Variants in XPNPEP1 observed in about 807,000 individuals in gnomAD.
The protein encoded by XPNPEP1 is xaa-Pro aminopeptidase 1.
XPNPEP1 carries 39 observed loss-of-function variants against 92.4 expected under a neutral mutation model. The ratio of observed to expected loss-of-function variants is 0.42; its 90% confidence interval spans 0.33 to 0.55. The LOEUF (loss-of-function observed/expected upper bound fraction) is 0.55. Ranked by LOEUF, XPNPEP1 falls within the 20% of genes least tolerant of loss-of-function variation. The pLI, the probability that XPNPEP1 is intolerant of heterozygous loss-of-function variation, is 0.08. For synonymous variants in XPNPEP1, 307 were observed against 299.4 expected (o/e 1.03, Z -0.26); for missense variants, 654 against 856.1 (o/e 0.76, Z 2.95).
At position 109,922,270 on chromosome 10, in the gene XPNPEP1, G is replaced by C. The variant is rs1204249982; in HGVS notation, c.32+1132C>G. On this transcript the variant is annotated intron_variant, in intron 1 of 20. Transcript: ENST00000502935. ...AGACTCTACCAGCTGGTGTAGAAAAGACTCTTCTGCTCCTAAAAGGCTGTG... is the reference window on the plus strand; with the variant it reads ...AGACTCTACCAGCTGGTGTAGAAAACACTCTTCTGCTCCTAAAAGGCTGTG... 2.0e-5 allele frequency among the ~76,000 whole-genome samples: 3 copies of C among 152,192 alleles called. No individual in the cohort carries two copies. The East Asian group carries it at 5.8e-4, about 29-fold the overall frequency.
At chr10:109,902,887 G>A (rs1849360016) in intron 3 of XPNPEP1, among the ~76,000 whole-genome samples, 1 of 152,214 alleles carries the variant, frequency 6.6e-6, no homozygotes, top group Non-Finnish European at 1.5e-5. Context: ...AAAGAGCTGA[G>A]GGAAAGCCTG....
At chr10:109,923,163 A>G (rs1000773525) in intron 1 of XPNPEP1, 20 of 985,170 alleles carry the variant, frequency 2.0e-5, no homozygotes, top group Non-Finnish European at 2.4e-5. Flanking sequence ...GCGTCCAGGA[A>G]CCAGACTCGG....
At chr10:109,878,256 C>G (rs1430096235) in intron 12 of XPNPEP1, 198 bp from the exon 13 acceptor site, 1 of 575,720 alleles carries the variant, frequency 1.7e-6, no homozygotes, top group Non-Finnish European at 3.0e-6. Flanking sequence ...AGTTTCTATT[C>G]ATTTAATTTT....
At chr10:109,898,622 G>A (rs1849111092) in intron 3 of XPNPEP1, among the ~76,000 whole-genome samples, 3 of 152,210 alleles carry the variant, frequency 2.0e-5, no homozygotes, top group South Asian at 2.1e-4. Context: ...GTCATGAGGC[G>A]ACACCCAATT....
intron 14 of XPNPEP1, chr10:109,875,972 C>T: frequency 5.3e-6 from 1 of 187,270 alleles, no homozygotes; most frequent in Non-Finnish European, 1.1e-5. Context: ...GGGACAGGAG[C>T]AGCCTGGAGT....
In XPNPEP1 at chr10:109,865,306, A is replaced by T; in HGVS notation, c.1879T>A (p.Trp627Arg). 1 of 1,614,210 alleles carries T rather than the reference A, an allele frequency of 6.2e-7. No homozygotes were observed. The change falls in exon 21 of 21, where the codon TGG becomes AGG. Residue 627 changes from tryptophan to arginine, a missense_variant. Coordinates refer to ENST00000502935, the MANE Select transcript of XPNPEP1 (RefSeq NM_020383.4). Reference protein sequence around the residue: ...VDSLTDKECDWLNNYHLTCRD... With the variant: ...VDSLTDKECDRLNNYHLTCRD... ...CAGGTCAGGTGGTAATTGTTGAGCCAGTCGCACTGCAGGGAAGAGAAGGAC... is the reference window on the plus strand; with the variant it reads ...CAGGTCAGGTGGTAATTGTTGAGCCTGTCGCACTGCAGGGAAGAGAAGGAC...
rs1305124577 is a variant in XPNPEP1 at position 109,902,499 on chromosome 10, T to C, written c.246+5192A>G. Among the ~76,000 whole-genome samples the C allele has an allele frequency of 2.0e-5, 3 of 152,224 alleles. No individual in the cohort carries two copies. The South Asian group carries it at 6.2e-4, about 31-fold the overall frequency. ...CTCATACGCTTACCTATATGCTAAC[T>C]ACCTGCCCTCTGCATTTGCCCCAGA... On this transcript the variant is annotated intron_variant, in intron 3 of 20. Coordinates refer to ENST00000502935, the MANE Select transcript of XPNPEP1 (RefSeq NM_020383.4).
At position 109,878,062 on chromosome 10, in the gene XPNPEP1, T is replaced by C. The variant is rs571595876; in HGVS notation, c.1183-4A>G. ...CTGTCACACCACCTTTGGGAACCTA[T>C]GAGAAAATTGCTTATAAATCATCTG... On this transcript the variant is annotated splice_region_variant and splice_polypyrimidine_tract_variant and intron_variant, in intron 12 of 20. Transcript: ENST00000502935. The C allele has an allele frequency of 9.3e-6, 15 of 1,613,858 alleles. No individual in the cohort carries two copies. The Admixed American group carries it at 1.7e-4, about 18-fold the overall frequency.
intron 5 of XPNPEP1, 60 bp from the exon 6 acceptor site, chr10:109,888,655 C>A: frequency 7.5e-7 from 1 of 1,335,232 alleles, no homozygotes; most frequent in Non-Finnish European, 1.0e-6. Flanking sequence ...ATTATCCCAC[C>A]AGAAAGATAC....
chr10:109,877,967 G>A (rs372235736), intron 13 of XPNPEP1, 33 bp downstream of exon 13: 140 of 1,614,062 alleles, frequency 8.7e-5, no homozygotes, highest in Admixed American at 1.2e-4. Flanking sequence ...AAATCAGCAC[G>A]AGGCTCCTGG....
intron 1 of XPNPEP1, among the ~76,000 whole-genome samples, chr10:109,915,793 A>C (rs576268691): frequency 2.0e-4 from 30 of 152,350 alleles, no homozygotes; most frequent in Non-Finnish European, 4.1e-4. Flanking sequence ...GACACCAGGC[A>C]TGAAGGTCTA....
intron 1 of XPNPEP1, 49 bp from the exon 2 acceptor site, chr10:109,915,148 G>T: frequency 7.9e-7 from 1 of 1,269,304 alleles, no homozygotes; most frequent in Non-Finnish European, 1.1e-6. Flanking sequence ...CACAATAAAC[G>T]TGGCAAGGCT....
intron 9 of XPNPEP1, 115 bp from the exon 10 acceptor site, chr10:109,882,757 T>A: frequency 9.2e-7 from 1 of 1,083,314 alleles, no homozygotes. Context: ...ACCAAGCCCC[T>A]TTTCTCTCCT....
At chr10:109,881,709 TGGCAGCCAGA>T (rs902927382) in intron 10 of XPNPEP1, among the ~76,000 whole-genome samples, 2 of 152,168 alleles carry the variant, frequency 1.3e-5, no homozygotes, top group African/African-American at 4.8e-5. Context: ...AAAGGCCACT[TGGCAGCCAGA>T]GGCCCAGGGG....
intron 3 of XPNPEP1, 42 bp downstream of exon 3, chr10:109,907,649 A>G: frequency 6.2e-7 from 1 of 1,613,050 alleles, no homozygotes; most frequent in Non-Finnish European, 8.5e-7. Context: ...GGCTGGGGAA[A>G]AAAGACTGAA....
At chr10:109,906,022 C>T (rs896315586) in intron 3 of XPNPEP1, among the ~76,000 whole-genome samples, 6 of 152,310 alleles carry the variant, frequency 3.9e-5, no homozygotes, top group Admixed American at 3.9e-4. Context: ...CTGACCTTGT[C>T]GCAACCATGT....
Position 109,877,500 on chromosome 10 carries a change from G to T in XPNPEP1, c.1319+290C>A, listed in dbSNP as rs1346814208. On this transcript the variant is annotated intron_variant, in intron 14 of 20. Transcript: ENST00000502935. ...AAAAACTTAGTCATCAAGATGCAAG[G>T]GCTATGCATACAGTTCCTGCAGCTT... 3.4e-5 allele frequency: 13 copies of T among 379,502 alleles called. 1 individual carries two copies. In the South Asian group the frequency reaches 5.3e-4, roughly 16 times the overall value. 23.5% of individuals were successfully genotyped at this position (379,502 alleles called of 1,614,324 possible).
At chr10:109,880,091 A>G in intron 12 of XPNPEP1, 97 bp downstream of exon 12, 2 of 1,234,430 alleles carry the variant, frequency 1.6e-6, no homozygotes, top group Admixed American at 3.9e-5. Context: ...CTCAGATCTC[A>G]TGGTCAGCAG....
rs1438027579 is a variant in XPNPEP1, at chr10:109,880,168, A to G, written c.1182+20T>C. 1 of 1,613,094 alleles carries G rather than the reference A, an allele frequency of 6.2e-7. No homozygotes were observed. Among genetic ancestry groups the G allele is most frequent in the African/African-American group, 1.3e-5 (1 of 74,936 alleles). On this transcript the variant is annotated intron_variant, in intron 12 of 20. Coordinates refer to ENST00000502935, the MANE Select transcript of XPNPEP1 (RefSeq NM_020383.4). The stretch of plus-strand genomic sequence containing the variant: ...CTGAATAATGTATATCCACATATTA[A>G]ACAAAGACTAAGAACCAACCTCTTT...
Sources: gnomAD v4.1 joint callset for allele counts (sites outside exome capture counted in the v4.1 genomes callset) on GRCh38, gnomAD v4.1.1 for gene constraint, MANE v1.5 for transcripts, NCBI Gene and HGNC (gene_info 2026-07-23, HGNC 2026-07-21) for gene names.